Variants in LRMDA observed in about 807,000 individuals in gnomAD.
The protein encoded by LRMDA is leucine rich melanocyte differentiation associated, also known as leucine-rich melanocyte differentiation-associated protein.
In LRMDA, 18 loss-of-function variants were observed where a neutral mutation model predicts 29.8. The ratio of observed to expected loss-of-function variants is 0.60; its 90% CI spans 0.42 to 0.90. The LOEUF (loss-of-function observed/expected upper bound fraction) is 0.90, where lower values mean the gene tolerates loss of function less well. Among genes scored for constraint, LRMDA ranks in the 40% least tolerant of loss-of-function variants. LRMDA has a pLI of 0.00. For missense variants in LRMDA, 273 were observed against 273.9 expected, an observed-to-expected ratio of 1.00 and a Z score of 0.02; for synonymous variants, 125 against 109.4, an observed-to-expected ratio of 1.14 and a Z score of -0.89.
intron 2 of LRMDA, among the ~76,000 whole-genome samples, chr10:75,944,490 T>A (rs1418850245): frequency 6.6e-6 from 1 of 151,892 alleles, no homozygotes; most frequent in Non-Finnish European, 1.5e-5. Flanking sequence ...TCTTCATATA[T>A]ATTTTTTTCT....
intron 2 of LRMDA, among the ~76,000 whole-genome samples, chr10:75,698,311 G>A (rs1047496027): frequency 4.6e-5 from 7 of 152,180 alleles, no homozygotes; most frequent in Admixed American, 6.5e-5. Context: ...AGCATCTCTC[G>A]GCTTCATTTT....
At chr10:76,331,601 T>A (rs1290766124) in intron 6 of LRMDA, among the ~76,000 whole-genome samples, 1 of 152,236 alleles carries the variant, frequency 6.6e-6, no homozygotes, top group African/African-American at 2.4e-5. Context: ...TATGTTTTTG[T>A]CCAGGGGTCC....
chr10:75,572,957 G>A (rs1840455609), intron 2 of LRMDA, among the ~76,000 whole-genome samples: 1 of 152,188 alleles, frequency 6.6e-6, no homozygotes, highest in African/African-American at 2.4e-5. Context: ...CAATCCAAGA[G>A]CCCTCATCAG....
At chr10:75,615,421 CCAATAAACATTTCTTTTGAGCAT>C (rs1462432451) in intron 2 of LRMDA, among the ~76,000 whole-genome samples, 1 of 152,044 alleles carries the variant, frequency 6.6e-6, no homozygotes, top group Non-Finnish European at 1.5e-5. Context: ...CCAAAATGCT[CCAATAAACATTTCTTTTGAGCAT>C]CAAATTGGTG....
chr10:76,552,264 A>G (rs1843505314), intron 6 of LRMDA, among the ~76,000 whole-genome samples: 1 of 152,246 alleles, frequency 6.6e-6, no homozygotes, highest in Non-Finnish European at 1.5e-5. Flanking sequence ...TCTGTTGAAT[A>G]CGGAGTTATG....
At chr10:76,463,808 C>T (rs1842536032) in intron 6 of LRMDA, among the ~76,000 whole-genome samples, 1 of 152,084 alleles carries the variant, frequency 6.6e-6, no homozygotes, top group African/African-American at 2.4e-5. Context: ...ATGTATCTCC[C>T]CAAATAGGAT....
chr10:75,782,931 G>A, intron 2 of LRMDA: 1 of 1,612,816 alleles, frequency 6.2e-7, no homozygotes, highest in South Asian at 1.1e-5. Flanking sequence ...TCTGCTCAGT[G>A]TAGCCATCAA....
intron 2 of LRMDA, among the ~76,000 whole-genome samples, chr10:75,966,656 C>A (rs1297951471): frequency 6.6e-6 from 1 of 152,166 alleles, no homozygotes; most frequent in African/African-American, 2.4e-5. Flanking sequence ...CTGGCATGGG[C>A]AACAGTGCTT....
In LRMDA at chr10:76,424,522, G is replaced by C. The variant is rs573134376; in HGVS notation, c.601+100037G>C. 5.3e-5 allele frequency among the ~76,000 whole-genome samples: 8 copies of C among 152,236 alleles called. No homozygotes were observed. The East Asian group carries it at 1.5e-3, about 29-fold the overall frequency. On this transcript the variant is annotated intron_variant, in intron 6 of 6. Coordinates refer to ENST00000611255, the MANE Select transcript of LRMDA (RefSeq NM_001305581.2). ...CCACTGCACTCCAGCCTGGGCCACAGAGCAAGACTCCATCTCAAAAAACAA... is the reference window on the plus strand; with the variant it reads ...CCACTGCACTCCAGCCTGGGCCACACAGCAAGACTCCATCTCAAAAAACAA...
At chr10:75,865,188 T>C (rs560845457) in intron 2 of LRMDA, among the ~76,000 whole-genome samples, 1 of 152,276 alleles carries the variant, frequency 6.6e-6, no homozygotes, top group South Asian at 2.1e-4. Context: ...ACAAGAGTAT[T>C]TACTGTATGA....
intron 6 of LRMDA, among the ~76,000 whole-genome samples, chr10:76,480,696 A>G (rs1384891807): frequency 6.6e-6 from 1 of 151,972 alleles, no homozygotes; most frequent in Non-Finnish European, 1.5e-5. Context: ...TTTCTTCTTC[A>G]ATGGAAATAA....
At chr10:76,121,502 CT>C (rs1338507092) in intron 5 of LRMDA, among the ~76,000 whole-genome samples, 3 of 152,182 alleles carry the variant, frequency 2.0e-5, no homozygotes, top group Non-Finnish European at 4.4e-5. Flanking sequence ...GGACATGGCC[CT>C]GCCTTGGTTT....
chr10:75,501,037 C>T (rs888821675), intron 2 of LRMDA, among the ~76,000 whole-genome samples: 1 of 152,198 alleles, frequency 6.6e-6, no homozygotes, highest in African/African-American at 2.4e-5. Flanking sequence ...CAGACTTTCC[C>T]ATTGCAGGTG....
At chr10:76,092,704 G>A (rs375122943) in intron 5 of LRMDA, among the ~76,000 whole-genome samples, 14 of 151,394 alleles carry the variant, frequency 9.2e-5, no homozygotes, top group South Asian at 4.2e-4. Context: ...AATTTTTTTC[G>A]GTAGTTGCTG....
intron 2 of LRMDA, among the ~76,000 whole-genome samples, chr10:75,804,705 CA>C (rs375829228): frequency 1.4e-4 from 21 of 152,220 alleles, no homozygotes; most frequent in African/African-American, 4.1e-4. Context: ...CTCATTGTTG[CA>C]GACAGGGGCT....
intron 2 of LRMDA, chr10:75,552,425 T>C (rs565471618): frequency 0.018 from 4,318 of 241,984 alleles, 122 homozygotes; most frequent in Middle Eastern, 0.067. Flanking sequence ...TTTTTTTTTT[T>C]CCCCCCCCTC....
intron 2 of LRMDA, among the ~76,000 whole-genome samples, chr10:75,984,526 C>T (rs976567922): frequency 2.6e-5 from 4 of 152,198 alleles, no homozygotes; most frequent in African/African-American, 7.2e-5. Flanking sequence ...GGGCCTAAAG[C>T]GGGAAGAACA....
intron 1 of LRMDA, among the ~76,000 whole-genome samples, chr10:75,434,676 T>G (rs1008765471): frequency 6.6e-6 from 1 of 152,230 alleles, no homozygotes; most frequent in Non-Finnish European, 1.5e-5. Flanking sequence ...AGCCTTGAAC[T>G]CCTGAGCTCA....
chr10:75,747,831 C>G (rs574652950), intron 2 of LRMDA, among the ~76,000 whole-genome samples: 4 of 151,946 alleles, frequency 2.6e-5, no homozygotes, highest in Non-Finnish European at 5.9e-5. Flanking sequence ...AGTGTCCCCT[C>G]TTCTACACTA....
Sources: gnomAD v4.1 joint callset for allele counts (sites outside exome capture counted in the v4.1 genomes callset) on GRCh38, gnomAD v4.1.1 for gene constraint, MANE v1.5 for transcripts, NCBI Gene and HGNC (gene_info 2026-07-23, HGNC 2026-07-21) for gene names.